ARHGAP17: variants seen among roughly 807,000 people sequenced by gnomAD.
The protein encoded by ARHGAP17 is Rho GTPase activating protein 17, also known as rho GTPase-activating protein 17.
ARHGAP17 carries 57 observed loss-of-function variants against 99.5 expected under a neutral mutation model. That is an observed-to-expected ratio of 0.57 (90% CI 0.46 to 0.71). The LOEUF (loss-of-function observed/expected upper bound fraction) is 0.71, where lower values mean the gene tolerates loss of function less well. ARHGAP17 is among the 30% of genes least tolerant of loss of function. The pLI is 0.00. For synonymous variants in ARHGAP17, 417 were observed against 429.6 expected, an observed-to-expected ratio of 0.97 and a Z score of 0.36; for missense variants, 1,000 against 1,122.4, an observed-to-expected ratio of 0.89 and a Z score of 1.56.
At chr16:24,926,544 G>A (rs2050847897) in intron 19 of ARHGAP17, among the ~76,000 whole-genome samples, 3 of 152,250 alleles carry the variant, frequency 2.0e-5, no homozygotes, top group Admixed American at 1.3e-4. Context: ...TTACAGGCGT[G>A]AGCCACCGTG....
At chr16:24,950,836 C>CAA (rs1177614713) in intron 12 of ARHGAP17, among the ~76,000 whole-genome samples, 565 of 38,212 alleles carry the variant, frequency 0.015, 1 homozygote, top group Non-Finnish European at 0.019. Context: ...GACTCCAACT[C>CAA]AAAAAAAAAA....
At chr16:24,941,286 A>T (rs2051305052) in intron 16 of ARHGAP17, among the ~76,000 whole-genome samples, 1 of 152,348 alleles carries the variant, frequency 6.6e-6, no homozygotes, top group Non-Finnish European at 1.5e-5. Context: ...TACTTCCAAC[A>T]GGCCTCTTAA....
intron 3 of ARHGAP17, among the ~76,000 whole-genome samples, chr16:24,975,175 T>C (rs1298266547): frequency 6.6e-6 from 1 of 151,892 alleles, no homozygotes; most frequent in African/African-American, 2.4e-5. Context: ...TAACAAGGAA[T>C]ATAAGAAAGC....
At chr16:25,000,038 G>C (rs1203014626) in intron 1 of ARHGAP17, among the ~76,000 whole-genome samples, 3 of 152,132 alleles carry the variant, frequency 2.0e-5, no homozygotes, top group African/African-American at 7.2e-5. Flanking sequence ...GAACACAGCA[G>C]AGTGGCTGAT....
chr16:24,922,299 G>T (rs1194086981), intron 19 of ARHGAP17, among the ~76,000 whole-genome samples: 1 of 152,178 alleles, frequency 6.6e-6, no homozygotes, highest in Non-Finnish European at 1.5e-5. Flanking sequence ...ATACGGATGA[G>T]ATTTCTACTT....
At chr16:24,991,958 T>C (rs1346668330) in intron 1 of ARHGAP17, among the ~76,000 whole-genome samples, 1 of 152,112 alleles carries the variant, frequency 6.6e-6, no homozygotes. Context: ...TGAAAACACT[T>C]TGGGGGCACA....
Position 24,931,144 on chromosome 16 carries a change from G to A in ARHGAP17, c.2155C>T (p.Pro719Ser), listed in dbSNP as rs1451385847. 1.9e-6 allele frequency: 3 copies of A among 1,604,202 alleles called. No homozygotes were observed. The highest frequency in any genetic ancestry group is 3.4e-5 in the Admixed American group (2 of 58,870). The change falls in exon 19 of 20, where the codon CCT (proline) becomes TCT (serine). Residue 719 changes from proline (P) to serine (S), a missense_variant. Coordinates refer to ENST00000289968, the MANE Select transcript of ARHGAP17 (RefSeq NM_001006634.3). ...QAPNHPPPQP[P>S]TQATPLMHTK... ...TGCATCAGTGGCGTGGCCTGCGTAG[G>A]GGGCTGCGGCGGTGGGTGATTGGGA...
chr16:24,985,321 A>G (rs1653283965), intron 1 of ARHGAP17, among the ~76,000 whole-genome samples: 1 of 152,260 alleles, frequency 6.6e-6, no homozygotes, highest in Non-Finnish European at 1.5e-5. Flanking sequence ...AGTATATTAT[A>G]TCACACTTCT....
chr16:24,995,175 C>T (rs1040318826), intron 1 of ARHGAP17, among the ~76,000 whole-genome samples: 1 of 152,166 alleles, frequency 6.6e-6, no homozygotes, highest in Admixed American at 6.5e-5. Flanking sequence ...ATCCCTTCCA[C>T]GACACGTGGG....
At chr16:24,946,916 A>G (rs1442165921) in intron 14 of ARHGAP17, among the ~76,000 whole-genome samples, 1 of 152,232 alleles carries the variant, frequency 6.6e-6, no homozygotes, top group Non-Finnish European at 1.5e-5. Flanking sequence ...GGGAACTCCA[A>G]TGTCAGACAT....
chr16:24,919,924 ACTT>A lies in ARHGAP17; in HGVS notation c.*203_*205del. 1 of 602,248 alleles carries A rather than the reference ACTT, an allele frequency of 1.7e-6. No homozygotes were observed. The highest frequency in any genetic ancestry group is 2.5e-6 in the Non-Finnish European group (1 of 393,584). The allele number at this position is 602,248 out of a possible 1,614,324, so 37.3% of individuals were successfully genotyped here. A position where few individuals can be genotyped will look rare whatever the true frequency, so the allele number is the denominator to read the frequency against. On this transcript the variant is annotated 3_prime_UTR_variant, in exon 20 of 20. Transcript: ENST00000289968. ...TTTCCTTCCCATGTAAAGAAAGCCAACTTCTTCAAGACACAGGTCATTCAGCTT... is the reference window on the plus strand; with the variant it reads ...TTTCCTTCCCATGTAAAGAAAGCCAACTTCAAGACACAGGTCATTCAGCTT...
chr16:24,997,762 ATG>A (rs1482619046), intron 1 of ARHGAP17, among the ~76,000 whole-genome samples: 2 of 152,044 alleles, frequency 1.3e-5, no homozygotes, highest in Non-Finnish European at 2.9e-5. Context: ...TGGCTGGACA[ATG>A]TGTGTTTTTC....
At position 25,008,200 on chromosome 16, in the gene ARHGAP17, T is replaced by A. The variant is rs534730561; in HGVS notation, c.53+7009A>T. Among the ~76,000 whole-genome samples, 27 of 152,306 alleles carry A rather than the reference T, an allele frequency of 1.8e-4. No individual in the cohort carries two copies. In the South Asian group the frequency reaches 5.6e-3, roughly 32 times the overall value. On this transcript the variant is annotated intron_variant, in intron 1 of 19. Transcript: ENST00000289968. ...TCCAAAAAGTTCTAAAAAACAAATC[T>A]TTTTTTGTAACTTATTTGGCAATAA...
chr16:24,953,477 AT>A (rs2051706507), intron 10 of ARHGAP17, among the ~76,000 whole-genome samples: 1 of 152,088 alleles, frequency 6.6e-6, no homozygotes, highest in Non-Finnish European at 1.5e-5. Flanking sequence ...TGTTCTTGTG[AT>A]AGTGAGTGAG....
At chr16:24,951,098 G>A (rs1050719720) in intron 12 of ARHGAP17, among the ~76,000 whole-genome samples, 12 of 152,178 alleles carry the variant, frequency 7.9e-5, no homozygotes, top group Admixed American at 2.6e-4. Flanking sequence ...GAAAAAAGAC[G>A]AGGAGGTGGG....
intron 17 of ARHGAP17, among the ~76,000 whole-genome samples, chr16:24,938,395 C>T (rs780520254): frequency 4.6e-5 from 7 of 151,506 alleles, no homozygotes; most frequent in Non-Finnish European, 1.0e-4. Flanking sequence ...GGTGACTTTT[C>T]TTAAAAGTTG....
intron 1 of ARHGAP17, among the ~76,000 whole-genome samples, chr16:24,984,462 C>G (rs7191879): frequency 1.3e-5 from 2 of 151,810 alleles, no homozygotes; most frequent in African/African-American, 4.8e-5. Flanking sequence ...GTCAGGAGAT[C>G]GAGACCACGG....
chr16:24,935,909 C>A, intron 17 of ARHGAP17: 5 of 436,268 alleles, frequency 1.1e-5, no homozygotes, highest in East Asian at 5.0e-5. Context: ...TGGACTCAAG[C>A]AATCCTCTCC....
intron 14 of ARHGAP17, 49 bp downstream of exon 14, chr16:24,947,433 A>T: frequency 1.4e-6 from 2 of 1,475,824 alleles, no homozygotes; most frequent in Non-Finnish European, 1.9e-6. Context: ...TATGCATCCC[A>T]TCAGGTGGGA....
Sources: gnomAD v4.1 joint callset for allele counts (sites outside exome capture counted in the v4.1 genomes callset) on GRCh38, gnomAD v4.1.1 for gene constraint, MANE v1.5 for transcripts, NCBI Gene and HGNC (gene_info 2026-07-23, HGNC 2026-07-21) for gene names.